Variants in TMEM117 observed in about 807,000 individuals in gnomAD.
The protein encoded by TMEM117 is transmembrane protein 117.
A neutral mutation model predicts 52.4 loss-of-function variants in TMEM117; 27 were observed. The ratio of observed to expected loss-of-function variants is 0.51; its 90% CI spans 0.38 to 0.71. The LOEUF (loss-of-function observed/expected upper bound fraction) is 0.71. TMEM117 is among the 30% of genes least tolerant of loss of function. The probability of loss-of-function intolerance (pLI) is 0.00; values close to 1 mark genes in which losing one functional copy is unlikely to be tolerated. For missense variants in TMEM117, 556 were observed against 630.5 expected (o/e 0.88, Z 1.26); for synonymous variants, 215 against 206.3 (o/e 1.04, Z -0.36).
At chr12:44,026,058 C>G (rs1323405152) in intron 3 of TMEM117, among the ~76,000 whole-genome samples, 4 of 152,164 alleles carry the variant, frequency 2.6e-5, no homozygotes, top group African/African-American at 9.7e-5. Context: ...CACTGGAAAC[C>G]ATACTGACTG....
At chr12:44,383,480 C>G (rs879675860) in intron 7 of TMEM117, among the ~76,000 whole-genome samples, 1 of 151,988 alleles carries the variant, frequency 6.6e-6, no homozygotes, top group Non-Finnish European at 1.5e-5. Context: ...TCATTAAAAG[C>G]CCAAAAACCA....
intron 4 of TMEM117, among the ~76,000 whole-genome samples, chr12:44,158,788 A>T (rs925431262): frequency 2.4e-4 from 37 of 152,176 alleles, no homozygotes; most frequent in African/African-American, 8.4e-4. Context: ...AGCCCTGAAA[A>T]AGTCAATTAC....
chr12:44,106,725 A>G lies in TMEM117; in HGVS notation c.411-36800A>G, dbSNP rs1247383852. ...ATCTGAATCACAGAAAAATTCTTCT[A>G]TAGATTACATAATCTAAATAATTGA... On this transcript the variant is annotated intron_variant, in intron 3 of 7. Coordinates refer to ENST00000266534, the MANE Select transcript of TMEM117 (RefSeq NM_032256.3). Among the ~76,000 whole-genome samples the G allele has an allele frequency of 7.9e-5, 6 of 75,546 alleles. No individual in the cohort carries two copies. In the East Asian group the frequency reaches 2.7e-3, roughly 33 times the overall value. The allele number at this position is 75,546 out of a possible 152,430, so 49.6% of individuals were successfully genotyped here.
At chr12:44,247,853 A>G (rs1009462597) in intron 5 of TMEM117, among the ~76,000 whole-genome samples, 7 of 152,026 alleles carry the variant, frequency 4.6e-5, no homozygotes, top group Admixed American at 1.3e-4. Context: ...GGGGTCTGAC[A>G]CTCACCAGAG....
intron 4 of TMEM117, among the ~76,000 whole-genome samples, chr12:44,195,936 A>C (rs144425150): frequency 3.0e-3 from 405 of 136,644 alleles, no homozygotes; most frequent in African/African-American, 4.5e-3. Context: ...AAATAAATAA[A>C]TAACTGGGCA....
At chr12:44,218,084 C>T (rs1183050575) in intron 5 of TMEM117, among the ~76,000 whole-genome samples, 1 of 151,944 alleles carries the variant, frequency 6.6e-6, no homozygotes, top group East Asian at 1.9e-4. Flanking sequence ...ATTGGCTGGA[C>T]GTGGTGGCAC....
intron 3 of TMEM117, among the ~76,000 whole-genome samples, chr12:44,016,490 C>A (rs1042306447): frequency 2.8e-4 from 43 of 152,172 alleles, no homozygotes; most frequent in African/African-American, 1.0e-3. Context: ...CAGCTTTCTT[C>A]CGTCTAACTT....
At chr12:44,369,685 A>G (rs1951836311) in intron 6 of TMEM117, among the ~76,000 whole-genome samples, 1 of 152,220 alleles carries the variant, frequency 6.6e-6, no homozygotes, top group Admixed American at 6.5e-5. Flanking sequence ...ACAACATTTC[A>G]AATAAGGGTT....
chr12:44,148,171 AG>A (rs1358686690), intron 4 of TMEM117, among the ~76,000 whole-genome samples: 2 of 152,320 alleles, frequency 1.3e-5, no homozygotes, highest in East Asian at 3.9e-4. Context: ...AACAGGAAAA[AG>A]TCAGTTTAGT....
chr12:44,030,647 C>T (rs1356181635), intron 3 of TMEM117, among the ~76,000 whole-genome samples: 7 of 152,154 alleles, frequency 4.6e-5, no homozygotes, highest in Non-Finnish European at 7.3e-5. Flanking sequence ...ATTGTTTTAA[C>T]CTATATATGC....
chr12:44,103,227 CT>C (rs772854739), intron 3 of TMEM117, among the ~76,000 whole-genome samples: 4,210 of 143,500 alleles, frequency 0.029, 75 homozygotes, highest in African/African-American at 0.039. Flanking sequence ...AACTCCATAT[CT>C]TTTTTTTTTT....
intron 6 of TMEM117, among the ~76,000 whole-genome samples, chr12:44,319,552 T>G (rs1471009219): frequency 6.6e-6 from 1 of 152,216 alleles, no homozygotes; most frequent in Non-Finnish European, 1.5e-5. Flanking sequence ...TTTTCCCTTT[T>G]GAATTAAAAT....
chr12:43,881,377 A>G (rs1468051966), intron 2 of TMEM117, among the ~76,000 whole-genome samples: 1 of 152,240 alleles, frequency 6.6e-6, no homozygotes, highest in African/African-American at 2.4e-5. Context: ...AGTGCAGTGA[A>G]TACAAAGAAA....
At chr12:44,185,854 C>G (rs1039147555) in intron 4 of TMEM117, among the ~76,000 whole-genome samples, 24 of 146,918 alleles carry the variant, frequency 1.6e-4, no homozygotes, top group African/African-American at 5.8e-4. Flanking sequence ...TGCTCATTTT[C>G]AGACCTAAAA....
rs138046820 is a variant in TMEM117 at position 43,922,907 on chromosome 12, C to T, written c.278-21303C>T. ...ATAAAGCCTGTGGTTACCAAAATAT[C>T]ACCTTTATTCCTAAAAGACTGTATA... On this transcript the variant is annotated intron_variant, in intron 2 of 7. Coordinates refer to ENST00000266534, the MANE Select transcript of TMEM117 (RefSeq NM_032256.3). 1.1e-4 allele frequency among the ~76,000 whole-genome samples: 17 copies of T among 152,222 alleles called. No homozygotes were observed. In the East Asian group the frequency reaches 3.3e-3, roughly 29 times the overall value.
At chr12:44,175,144 C>T (rs963829331) in intron 4 of TMEM117, among the ~76,000 whole-genome samples, 1 of 152,110 alleles carries the variant, frequency 6.6e-6, no homozygotes, top group Non-Finnish European at 1.5e-5. Context: ...ACTACTTTGG[C>T]TAGGAAATAG....
intron 2 of TMEM117, among the ~76,000 whole-genome samples, chr12:43,900,425 A>G (rs1944284350): frequency 2.0e-5 from 3 of 152,174 alleles, no homozygotes; most frequent in African/African-American, 7.2e-5. Context: ...CCCTTAAATT[A>G]TCTTACATTC....
At chr12:43,923,582 TAAGACTGTAC>T (rs1000969038) in intron 2 of TMEM117, among the ~76,000 whole-genome samples, 1 of 152,200 alleles carries the variant, frequency 6.6e-6, no homozygotes, top group Non-Finnish European at 1.5e-5. Context: ...TAACTATTTC[TAAGACTGTAC>T]AAGAGGCTAA....
intron 6 of TMEM117, among the ~76,000 whole-genome samples, chr12:44,301,977 C>T (rs913366306): frequency 6.6e-6 from 1 of 152,068 alleles, no homozygotes; most frequent in Non-Finnish European, 1.5e-5. Context: ...AAAAATTAGC[C>T]CCAAAATTTA....
Sources: allele counts gnomAD v4.1 joint callset (sites outside exome capture counted in the v4.1 genomes callset), GRCh38; gene constraint gnomAD v4.1.1; transcripts MANE v1.5; gene names NCBI Gene and HGNC (gene_info 2026-07-23, HGNC 2026-07-21).